Variants in CCL28 observed in about 807,000 individuals in gnomAD.
CCL28 encodes C-C motif chemokine ligand 28.
CCL28 carries 4 observed loss-of-function variants against 7.1 expected under a neutral mutation model. The observed-to-expected ratio is 0.56, with a 90% CI of 0.28 to 1.29. The LOEUF is 1.29. Ranked by LOEUF, CCL28 falls within the 50% of genes most tolerant of loss-of-function variation. The pLI, the probability that CCL28 is intolerant of heterozygous loss-of-function variation, is 0.11. For missense variants in CCL28, 151 were observed against 163.4 expected (o/e 0.92, Z 0.41); for synonymous variants, 55 against 57.8 (o/e 0.95, Z 0.22).
chr5:43,376,844 T>A (rs1387631354), downstream of CCL28: 5 of 152,182 alleles, frequency 3.3e-5, no homozygotes, highest in African/African-American at 9.7e-5. Flanking sequence ...TCTGGTAGGG[T>A]CCTTCAGACC....
At chr5:43,358,863 A>G in the CCL28 span, among the ~76,000 whole-genome samples, 2 of 152,230 alleles carry the variant, frequency 1.3e-5, no homozygotes, top group Non-Finnish European at 2.9e-5. Context: ...TGACAGCAAG[A>G]GAGGTCTAGC....
chr5:43,396,030 C>T lies in CCL28; in HGVS notation c.65-7554G>A, dbSNP rs1018839946. Among the ~76,000 whole-genome samples, 10 of 152,006 alleles carry T rather than the reference C, an allele frequency of 6.6e-5. No homozygotes were observed. In the East Asian group the frequency reaches 1.7e-3, roughly 27 times the overall value. ...GGTACTACAGACGCCCGCCACCACA[C>T]CCGGCTAATTTTTGTATTTTTAGTA... On this transcript the variant is annotated intron_variant, in intron 1 of 2. Transcript: ENST00000361115.
the CCL28 span, among the ~76,000 whole-genome samples, chr5:43,368,999 AGGTGG>A: frequency 4.6e-5 from 4 of 86,226 alleles, no homozygotes; most frequent in Non-Finnish European, 8.8e-5. Context: ...TGTCTTTGAG[AGGTGG>A]GGTGGGGGGC....
At chr5:43,378,538 C>T (rs1739975507), downstream of CCL28, among the ~76,000 whole-genome samples, 1 of 152,124 alleles carries the variant, frequency 6.6e-6, no homozygotes, top group South Asian at 2.1e-4. Flanking sequence ...GTGATTTACT[C>T]ATAATACAGT....
At chr5:43,384,982 C>T (rs1740278028) in intron 2 of CCL28, among the ~76,000 whole-genome samples, 1 of 152,096 alleles carries the variant, frequency 6.6e-6, no homozygotes, top group South Asian at 2.1e-4. Flanking sequence ...CTGCAGGCTC[C>T]GCCTCCCGGG....
the CCL28 span, among the ~76,000 whole-genome samples, chr5:43,370,734 C>A: frequency 9.8e-6 from 1 of 102,488 alleles, no homozygotes; most frequent in Non-Finnish European, 2.1e-5. Flanking sequence ...CTTTATCTCT[C>A]TTTCTCTCTC....
intron 1 of CCL28, among the ~76,000 whole-genome samples, chr5:43,399,028 C>A (rs1440640603): frequency 6.6e-6 from 1 of 152,058 alleles, no homozygotes; most frequent in Non-Finnish European, 1.5e-5. Context: ...TAGCTCTACC[C>A]AAATATTCTG....
At chr5:43,361,285 C>T in the CCL28 span, among the ~76,000 whole-genome samples, 11 of 152,282 alleles carry the variant, frequency 7.2e-5, no homozygotes, top group African/African-American at 2.6e-4. Flanking sequence ...TGAACATGCA[C>T]ATGTATGTAT....
chr5:43,360,877 T>C, the CCL28 span, among the ~76,000 whole-genome samples: 6 of 152,184 alleles, frequency 3.9e-5, no homozygotes, highest in Non-Finnish European at 7.3e-5. Context: ...GCAGGTTTGT[T>C]ACATAAGTAA....
In CCL28 at chr5:43,380,300, G is replaced by C. The variant is rs764206544; in HGVS notation, c.*1560C>G. On this transcript the variant is annotated 3_prime_UTR_variant, in exon 3 of 3. Transcript: ENST00000361115. Reference sequence around the variant, plus strand: ...GAGGCAAAAGGTTCTGGGCAGAAAGGCAGGCTTTTTGTTCTTTTCAGTATC... The same window carrying C: ...GAGGCAAAAGGTTCTGGGCAGAAAGCCAGGCTTTTTGTTCTTTTCAGTATC... The C allele has an allele frequency of 3.3e-5, 5 of 152,148 alleles. No homozygotes were observed. The highest frequency in any genetic ancestry group is 7.3e-5 in the Non-Finnish European group (5 of 68,036). The allele number at this position is 152,148 out of a possible 1,614,324, so 9.4% of individuals were successfully genotyped here.
downstream of CCL28, among the ~76,000 whole-genome samples, chr5:43,375,458 T>TAAAAAA (rs56289620): frequency 1.5e-4 from 5 of 32,736 alleles, no homozygotes; most frequent in Admixed American, 1.2e-3. Flanking sequence ...GACAGAAAGC[T>TAAAAAA]AAAAAAAAAA....
the CCL28 span, among the ~76,000 whole-genome samples, chr5:43,359,023 C>T: frequency 6.6e-5 from 10 of 152,306 alleles, 1 homozygote; most frequent in South Asian, 2.1e-3. Context: ...CTGATCCCCT[C>T]CTTGTTCAGG....
At chr5:43,403,005 T>C (rs953891973) in intron 1 of CCL28, among the ~76,000 whole-genome samples, 1 of 152,090 alleles carries the variant, frequency 6.6e-6, no homozygotes, top group Non-Finnish European at 1.5e-5. Context: ...GTAAACAAAA[T>C]GGCCAGGAAG....
At chr5:43,391,711 A>T (rs1326560328) in intron 1 of CCL28, among the ~76,000 whole-genome samples, 1 of 152,226 alleles carries the variant, frequency 6.6e-6, no homozygotes, top group Non-Finnish European at 1.5e-5. Flanking sequence ...GATAACAGAC[A>T]TTGTTTGAGT....
At chr5:43,366,518 G>A in the CCL28 span, among the ~76,000 whole-genome samples, 1 of 152,194 alleles carries the variant, frequency 6.6e-6, no homozygotes, top group South Asian at 2.1e-4. Context: ...TCCTCTGGAA[G>A]CTTCATCCCA....
downstream of CCL28, chr5:43,377,334 A>T (rs1198776200): frequency 3.3e-5 from 5 of 152,012 alleles, no homozygotes; most frequent in Admixed American, 3.3e-4. Context: ...GTAACAAAAA[A>T]TACTAAAACT....
chr5:43,367,099 C>A, the CCL28 span, among the ~76,000 whole-genome samples: 1 of 152,236 alleles, frequency 6.6e-6, no homozygotes, highest in African/African-American at 2.4e-5. Flanking sequence ...AGCTTGAGCA[C>A]CCCAGGTGGA....
chr5:43,358,487 G>A, the CCL28 span, among the ~76,000 whole-genome samples: 1 of 152,208 alleles, frequency 6.6e-6, no homozygotes, highest in Non-Finnish European at 1.5e-5. Flanking sequence ...CTTCTCGTTT[G>A]TTGGAAGGTC....
the CCL28 span, among the ~76,000 whole-genome samples, chr5:43,361,557 C>T: frequency 6.6e-6 from 1 of 152,134 alleles, no homozygotes; most frequent in African/African-American, 2.4e-5. Context: ...ATCATCAAAT[C>T]TTTGCCAGGT....
Sources: gnomAD v4.1 joint callset for allele counts (sites outside exome capture counted in the v4.1 genomes callset) on GRCh38, gnomAD v4.1.1 for gene constraint, MANE v1.5 for transcripts, NCBI Gene and HGNC (gene_info 2026-07-23, HGNC 2026-07-21) for gene names.